Variants in CABLES2 observed in about 807,000 individuals in gnomAD.
CABLES2 encodes Cdk5 and Abl enzyme substrate 2.
Under a neutral mutation model 44.8 loss-of-function variants are expected in CABLES2, and 35 were observed. The observed-to-expected ratio is 0.78, with a 90% CI of 0.60 to 1.04. The LOEUF is 1.04. Among genes scored for constraint, CABLES2 ranks in the 50% least tolerant of loss-of-function variants. The pLI, the probability that CABLES2 is intolerant of heterozygous loss-of-function variation, is 0.00. For missense variants in CABLES2, 566 were observed against 615.7 expected (o/e 0.92, Z 0.85); for synonymous variants, 282 against 281.1 (o/e 1.00, Z -0.03).
At chr20:62,398,205 A>ATGATGG (rs1569017882) in intron 1 of CABLES2, among the ~76,000 whole-genome samples, 2 of 86,168 alleles carry the variant, frequency 2.3e-5, no homozygotes, top group African/African-American at 5.3e-5. Flanking sequence ...GATGGTGGTG[A>ATGATGG]TGGTGATGTG....
chr20:62,392,057 C>T (rs1987928427), intron 8 of CABLES2, among the ~76,000 whole-genome samples: 1 of 152,090 alleles, frequency 6.6e-6, no homozygotes. Context: ...ACGGAATCTA[C>T]TCACAAAATA....
intron 1 of CABLES2, among the ~76,000 whole-genome samples, chr20:62,398,212 T>TGATGGTG (rs1491343862): frequency 4.9e-4 from 21 of 43,228 alleles, no homozygotes; most frequent in African/African-American, 3.2e-3. Flanking sequence ...GTGATGGTGA[T>TGATGGTG]GTGATGGTGG....
chr20:62,396,638 G>T lies in CABLES2; in HGVS notation c.363-46C>A. 2 of 1,568,066 alleles carry T rather than the reference G, an allele frequency of 1.3e-6. No homozygotes were observed. Among genetic ancestry groups the T allele is most frequent in the South Asian group, 1.2e-5 (1 of 86,894 alleles). On this transcript the variant is annotated intron_variant, in intron 1 of 9. Coordinates refer to ENST00000279101, the MANE Select transcript of CABLES2 (RefSeq NM_031215.3). This position sits in a 1 kb window ranked among gnomAD's most constrained non-coding sequence, Gnocchi z 5.7. The stretch of plus-strand genomic sequence containing the variant: ...CTCAAAACAGGCCACCAGCCCGGGT[G>T]CCGCCTTTGTGGCCAGAAACCGAGT...
At chr20:62,406,768 G>T in intron 1 of CABLES2, 147 bp downstream of exon 1, 1 of 360,588 alleles carries the variant, frequency 2.8e-6, no homozygotes, top group Non-Finnish European at 4.4e-6. Flanking sequence ...TCTGTCCAGG[G>T]CTGACAAGGC....
chr20:62,392,334 GA>G (rs1296617527), intron 8 of CABLES2, 54 bp downstream of exon 8: 1 of 1,253,874 alleles, frequency 8.0e-7, no homozygotes, highest in Non-Finnish European at 1.2e-6. Flanking sequence ...AACTGGAGAG[GA>G]GAGGCTGGCA....
Position 62,396,615 on chromosome 20 carries a change from C to A in CABLES2, c.363-23G>T. The A allele has an allele frequency of 6.3e-7, 1 of 1,598,806 alleles. No individual in the cohort carries two copies. The highest frequency in any genetic ancestry group is 2.3e-5 in the East Asian group (1 of 44,288). Reference sequence around the variant, plus strand: ...TTCCTGCAAGATGACAATGGAGCCTCAAAACAGGCCACCAGCCCGGGTGCC... The same window carrying A: ...TTCCTGCAAGATGACAATGGAGCCTAAAAACAGGCCACCAGCCCGGGTGCC... On this transcript the variant is annotated intron_variant, in intron 1 of 9. Transcript: ENST00000279101. This position sits in a 1 kb window ranked among gnomAD's most constrained non-coding sequence, Gnocchi z 5.7.
At chr20:62,392,356 G>C in intron 8 of CABLES2, 33 bp downstream of exon 8, 1 of 1,511,164 alleles carries the variant, frequency 6.6e-7, no homozygotes, top group South Asian at 1.1e-5. Flanking sequence ...GGGCCTCCCA[G>C]GACGATGAGA....
Position 62,391,068 on chromosome 20 carries a change from C to A in CABLES2, c.1340G>T (p.Gly447Val), listed in dbSNP as rs752757373. The change falls in exon 10 of 10, where the codon GGG becomes GTG. Residue 447 changes from glycine (G) to valine (V), a missense_variant. Physicochemically the swap from Gly to Val is moderately radical, Grantham distance 109. Coordinates refer to ENST00000279101, the MANE Select transcript of CABLES2 (RefSeq NM_031215.3). This position sits in a 1 kb window ranked among gnomAD's most constrained non-coding sequence, Gnocchi z 5.7. ...RFRFNRRDLIGFEFTVLVALE... is the reference protein window; with the variant it reads ...RFRFNRRDLIVFEFTVLVALE... ...GGCCACGAGCACTGTGAACTCAAAC[C>A]CTATCAGGTCGCGCCTGTTGAATCG... The A allele has an allele frequency of 1.9e-6, 3 of 1,613,998 alleles. No individual in the cohort carries two copies. The African/African-American group carries it at 4.0e-5, about 22-fold the overall frequency.
intron 1 of CABLES2, among the ~76,000 whole-genome samples, chr20:62,400,801 G>A (rs1005434859): frequency 1.3e-5 from 2 of 152,236 alleles, no homozygotes; most frequent in East Asian, 1.9e-4. Flanking sequence ...TGGCTCCTCC[G>A]TGATTTTCTG....
rs531077200 is a variant in CABLES2, at chr20:62,393,826, G to C, written c.715-221C>G. 1.4e-3 allele frequency among the ~76,000 whole-genome samples: 206 copies of C among 152,322 alleles called. 4 individuals carry two copies. Among genetic ancestry groups the C allele is most frequent in the Admixed American group, 0.013 (197 of 15,300 alleles). On this transcript the variant is annotated intron_variant, in intron 5 of 9. Coordinates refer to ENST00000279101, the MANE Select transcript of CABLES2 (RefSeq NM_031215.3). Reference sequence around the variant, plus strand: ...TACTGTGCTTTATCTGGGTTCTGTAGCCTGTAACGTTCTCCCTGCCTCTGA... The same window carrying C: ...TACTGTGCTTTATCTGGGTTCTGTACCCTGTAACGTTCTCCCTGCCTCTGA...
rs144541131 is a variant in CABLES2 at position 62,399,775 on chromosome 20, G to A, written c.363-3183C>T. On this transcript the variant is annotated intron_variant, in intron 1 of 9. Coordinates refer to ENST00000279101, the MANE Select transcript of CABLES2 (RefSeq NM_031215.3). ...TGCCTGGCTAGTTTTTGTATTTTTG[G>A]TAGAGATGGGGTTTCACCATGTTGG... is the stretch of plus-strand genomic sequence containing the variant. 7.4e-3 allele frequency among the ~76,000 whole-genome samples: 1,123 copies of A among 151,166 alleles called. 10 individuals are homozygous for A. The highest frequency in any genetic ancestry group is 0.012 in the Non-Finnish European group (845 of 67,844).
chr20:62,399,956 G>A (rs1601477517), intron 1 of CABLES2, among the ~76,000 whole-genome samples: 1 of 152,334 alleles, frequency 6.6e-6, no homozygotes, highest in East Asian at 1.9e-4. Context: ...AAAGAACATG[G>A]TTGTAGGGGT....
intron 1 of CABLES2, among the ~76,000 whole-genome samples, chr20:62,398,041 T>C (rs373628263): frequency 0.022 from 2,960 of 133,164 alleles, 225 homozygotes; most frequent in African/African-American, 0.079. Context: ...ACAGTGATGG[T>C]GATGGTGGTG....
rs1225783378 is a variant in CABLES2 at position 62,389,070 on chromosome 20, A to T, written c.*1901T>A. The T allele has an allele frequency of 6.5e-6, 1 of 154,284 alleles. No individual in the cohort carries two copies. The highest frequency in any genetic ancestry group is 2.4e-5 in the African/African-American group (1 of 41,456). 9.6% of individuals were successfully genotyped at this position (154,284 alleles called of 1,614,324 possible). ...ATTTCTCGCATTCATGTGTAGGAAAAACCATGGAGACGTGTCCCTGGAGGG... is the reference window on the plus strand; with the variant it reads ...ATTTCTCGCATTCATGTGTAGGAAATACCATGGAGACGTGTCCCTGGAGGG... On this transcript the variant is annotated 3_prime_UTR_variant, in exon 10 of 10. Coordinates refer to ENST00000279101, the MANE Select transcript of CABLES2 (RefSeq NM_031215.3).
In CABLES2 at chr20:62,390,562, TCTC is replaced by T. The variant is rs879089364; in HGVS notation, c.*406_*408del. 9 of 208,560 alleles carry T rather than the reference TCTC, an allele frequency of 4.3e-5. No homozygotes were observed. The South Asian group carries it at 8.2e-4, about 19-fold the overall frequency. The allele number at this position is 208,560 out of a possible 1,614,324, so 12.9% of individuals were successfully genotyped here. On this transcript the variant is annotated 3_prime_UTR_variant, in exon 10 of 10. Coordinates refer to ENST00000279101, the MANE Select transcript of CABLES2 (RefSeq NM_031215.3). ...GTTCAGTGAGGTCTAGAAACCCAGATCTCCACCCTGACGCTGTGGTGGCTGCGG... is the reference window on the plus strand; with the variant it reads ...GTTCAGTGAGGTCTAGAAACCCAGATCACCCTGACGCTGTGGTGGCTGCGG...
rs74356838 is a variant in CABLES2, at chr20:62,401,954, C to T, written c.362+4961G>A. On this transcript the variant is annotated intron_variant, in intron 1 of 9. Transcript: ENST00000279101. ...AACGAGGCCCTCGGCAAGGCCCACG[C>T]CCCACACCCCACATGCTGGGGCAAA... Among the ~76,000 whole-genome samples the T allele has an allele frequency of 2.8e-3, 433 of 152,388 alleles. 1 individual carries two copies. Among genetic ancestry groups the T allele is most frequent in the African/African-American group, 9.9e-3 (411 of 41,596 alleles).
intron 1 of CABLES2, among the ~76,000 whole-genome samples, chr20:62,400,148 G>T (rs935313457): frequency 6.6e-6 from 1 of 152,238 alleles, no homozygotes; most frequent in Non-Finnish European, 1.5e-5. Context: ...CCAGCTGGAG[G>T]TGGGGGCAGG....
chr20:62,393,749 C>G, intron 5 of CABLES2, 144 bp from the exon 6 acceptor site: 1 of 848,310 alleles, frequency 1.2e-6, no homozygotes, highest in Non-Finnish European at 1.8e-6. Context: ...GCCGTTGAGG[C>G]TGCGTCTGAG....
chr20:62,395,552 G>C (rs933870137), intron 3 of CABLES2, among the ~76,000 whole-genome samples: 1 of 152,240 alleles, frequency 6.6e-6, no homozygotes, highest in Non-Finnish European at 1.5e-5. Flanking sequence ...AGAGAGCACA[G>C]GCAGAAGCCA....
Sources: allele counts gnomAD v4.1 joint callset (sites outside exome capture counted in the v4.1 genomes callset), GRCh38; gene constraint gnomAD v4.1.1; non-coding constraint Gnocchi (gnomAD v3.1); transcripts MANE v1.5; gene names NCBI Gene and HGNC (gene_info 2026-07-23, HGNC 2026-07-21).